Variants in PLS1 observed in about 807,000 individuals in gnomAD.
PLS1 encodes plastin 1.
In PLS1, 32 loss-of-function variants were observed where a neutral mutation model predicts 73.7. The observed-to-expected ratio is 0.43, with a 90% CI of 0.33 to 0.58. The LOEUF (loss-of-function observed/expected upper bound fraction) is 0.58. Among genes scored for constraint, PLS1 ranks in the 20% least tolerant of loss-of-function variants. PLS1 has a pLI of 0.04. For missense variants in PLS1, 633 were observed against 740.5 expected, an observed-to-expected ratio of 0.85 and a Z score of 1.68; for synonymous variants, 217 against 261.3, an observed-to-expected ratio of 0.83 and a Z score of 1.63.
intron 5 of PLS1, among the ~76,000 whole-genome samples, chr3:142,677,789 AATTATT>A (rs1042940280): frequency 6.6e-6 from 1 of 152,118 alleles, no homozygotes; most frequent in Admixed American, 6.5e-5. Context: ...TAGTTTAATT[AATTATT>A]ATTATTATTT....
At chr3:142,617,037 C>G (rs950315121) in intron 1 of PLS1, among the ~76,000 whole-genome samples, 14 of 152,078 alleles carry the variant, frequency 9.2e-5, no homozygotes, top group African/African-American at 3.4e-4. Flanking sequence ...CAGTTAGCCA[C>G]TAAAATAGCC....
intron 1 of PLS1, among the ~76,000 whole-genome samples, chr3:142,620,540 C>T (rs923636088): frequency 1.3e-5 from 2 of 152,094 alleles, no homozygotes; most frequent in East Asian, 1.9e-4. Flanking sequence ...TTTTTAAAAA[C>T]GTGACTCTTG....
intron 10 of PLS1, among the ~76,000 whole-genome samples, chr3:142,692,206 C>T (rs1374450810): frequency 6.6e-6 from 1 of 152,036 alleles, no homozygotes; most frequent in Non-Finnish European, 1.5e-5. Context: ...TCTTTTCCCT[C>T]TTAGTAACCT....
chr3:142,663,951 C>T (rs2037425240), intron 1 of PLS1, among the ~76,000 whole-genome samples: 3 of 152,130 alleles, frequency 2.0e-5, no homozygotes, highest in Admixed American at 1.3e-4. Flanking sequence ...ATTCATTAGG[C>T]TATTGAGAAA....
intron 1 of PLS1, among the ~76,000 whole-genome samples, chr3:142,598,646 A>G (rs2035855054): frequency 6.6e-6 from 1 of 152,218 alleles, no homozygotes; most frequent in Non-Finnish European, 1.5e-5. Context: ...CATGTTGAAA[A>G]TGAATTTCAG....
chr3:142,703,151 A>G (rs1318614745), intron 12 of PLS1, among the ~76,000 whole-genome samples: 1 of 152,194 alleles, frequency 6.6e-6, no homozygotes, highest in African/African-American at 2.4e-5. Flanking sequence ...TTAATAAAAC[A>G]ATTACTTTCT....
At chr3:142,597,459 T>G (rs1463947539) in intron 1 of PLS1, 2 of 151,828 alleles carry the variant, frequency 1.3e-5, no homozygotes, top group African/African-American at 4.8e-5. Context: ...GGCATATATA[T>G]ATATAGAGAG....
At chr3:142,680,013 G>A (rs1320230518) in intron 6 of PLS1, among the ~76,000 whole-genome samples, 5 of 151,990 alleles carry the variant, frequency 3.3e-5, no homozygotes, top group Admixed American at 1.3e-4. Context: ...TGGATTCCTA[G>A]GTATTTTATT....
At chr3:142,638,574 T>C (rs147087571) in intron 1 of PLS1, among the ~76,000 whole-genome samples, 59 of 152,332 alleles carry the variant, frequency 3.9e-4, no homozygotes, top group Middle Eastern at 3.4e-3. Flanking sequence ...ATACCATCTG[T>C]TTCTCTGAGG....
chr3:142,641,436 A>G (rs1340229793), intron 1 of PLS1, among the ~76,000 whole-genome samples: 2 of 151,044 alleles, frequency 1.3e-5, no homozygotes, highest in Non-Finnish European at 2.9e-5. Flanking sequence ...ATATATATGT[A>G]TGAATATATA....
intron 1 of PLS1, among the ~76,000 whole-genome samples, chr3:142,661,723 A>G (rs547670729): frequency 9.2e-5 from 14 of 152,348 alleles, no homozygotes; most frequent in African/African-American, 2.9e-4. Flanking sequence ...TTTATAAAGC[A>G]CTTGTTTTCA....
At chr3:142,625,999 A>G (rs966639336) in intron 1 of PLS1, among the ~76,000 whole-genome samples, 1 of 152,180 alleles carries the variant, frequency 6.6e-6, no homozygotes, top group Non-Finnish European at 1.5e-5. Flanking sequence ...GAATGAATAA[A>G]TGAATTCATG....
At chr3:142,648,418 T>C (rs933774287) in intron 1 of PLS1, among the ~76,000 whole-genome samples, 2 of 152,050 alleles carry the variant, frequency 1.3e-5, no homozygotes, top group Non-Finnish European at 2.9e-5. Context: ...ATGAAGGAAA[T>C]TGAAGTATAG....
intron 1 of PLS1, among the ~76,000 whole-genome samples, chr3:142,637,939 A>G (rs186786882): frequency 3.0e-4 from 45 of 150,660 alleles, no homozygotes; most frequent in South Asian, 1.1e-3. Context: ...TTATTCCTCT[A>G]CTCATCCTCC....
chr3:142,704,339 C>A, intron 13 of PLS1, 124 bp from the exon 14 acceptor site: 1 of 807,028 alleles, frequency 1.2e-6, no homozygotes, highest in African/African-American at 1.8e-5. Context: ...AAATGCCAGA[C>A]TAAAATTAGA....
At chr3:142,679,338 AG>A (rs1232319109) in intron 6 of PLS1, among the ~76,000 whole-genome samples, 1 of 150,130 alleles carries the variant, frequency 6.7e-6, no homozygotes, top group Non-Finnish European at 1.5e-5. Context: ...TTAGACATGA[AG>A]TCCTTGCCCA....
chr3:142,686,658 T>A (rs1474732693), intron 9 of PLS1, among the ~76,000 whole-genome samples: 1 of 152,194 alleles, frequency 6.6e-6, no homozygotes, highest in Non-Finnish European at 1.5e-5. Flanking sequence ...ACAGTCAAAT[T>A]TAGAGTACAG....
At chr3:142,636,989 T>C (rs1436549466) in intron 1 of PLS1, among the ~76,000 whole-genome samples, 1 of 152,224 alleles carries the variant, frequency 6.6e-6, no homozygotes, top group Non-Finnish European at 1.5e-5. Context: ...ATAATTATTT[T>C]GGAAAGTAAC....
intron 12 of PLS1, among the ~76,000 whole-genome samples, chr3:142,703,387 G>A (rs1174601442): frequency 4.0e-5 from 6 of 148,240 alleles, no homozygotes; most frequent in African/African-American, 1.5e-4. Flanking sequence ...CCTCCACCTC[G>A]CAGGTTCAAG....
Sources: gnomAD v4.1 joint callset for allele counts (sites outside exome capture counted in the v4.1 genomes callset) on GRCh38, gnomAD v4.1.1 for gene constraint, MANE v1.5 for transcripts, NCBI Gene and HGNC (gene_info 2026-07-23, HGNC 2026-07-21) for gene names.